CYP19A1: variants seen among roughly 807,000 people sequenced by gnomAD.
CYP19A1 encodes aromatase.
Under a neutral mutation model 44.4 loss-of-function variants are expected in CYP19A1, and 32 were observed. The observed-to-expected ratio is 0.72, with a 90% CI of 0.54 to 0.97. The LOEUF is 0.97. Ranked by LOEUF, CYP19A1 falls within the 50% of genes least tolerant of loss-of-function variation. The pLI is 0.00. For missense variants in CYP19A1, 598 were observed against 637.8 expected (o/e 0.94, Z 0.67); for synonymous variants, 212 against 215.6 (o/e 0.98, Z 0.14).
chr15:51,336,187 T>A (rs568211826), intron 1 of CYP19A1, among the ~76,000 whole-genome samples: 1 of 152,284 alleles, frequency 6.6e-6, no homozygotes, highest in South Asian at 2.1e-4. Context: ...CATTTAGAAT[T>A]GCACCCTCAT....
intron 1 of CYP19A1, among the ~76,000 whole-genome samples, chr15:51,331,980 T>C (rs562948857): frequency 6.6e-6 from 1 of 152,144 alleles, no homozygotes; most frequent in South Asian, 2.1e-4. Context: ...CAAGAAAGCA[T>C]ATAACTGTCT....
chr15:51,249,144 T>C (rs1405401320), intron 1 of CYP19A1, among the ~76,000 whole-genome samples: 1 of 152,152 alleles, frequency 6.6e-6, no homozygotes, highest in Non-Finnish European at 1.5e-5. Context: ...TATCATCATG[T>C]TGGCCAAGCT....
At chr15:51,326,820 T>A (rs1035576577) in intron 1 of CYP19A1, among the ~76,000 whole-genome samples, 1 of 152,154 alleles carries the variant, frequency 6.6e-6, no homozygotes, top group Non-Finnish European at 1.5e-5. Context: ...AGTACAAGTG[T>A]TTTTAACTTC....
At chr15:51,290,049 G>T (rs1050535924) in intron 1 of CYP19A1, among the ~76,000 whole-genome samples, 1 of 152,166 alleles carries the variant, frequency 6.6e-6, no homozygotes, top group African/African-American at 2.4e-5. Flanking sequence ...TTTGAGTGTG[G>T]TCTCCCCTGG....
intron 1 of CYP19A1, among the ~76,000 whole-genome samples, chr15:51,270,870 A>T (rs1321611828): frequency 6.6e-6 from 1 of 152,144 alleles, no homozygotes; most frequent in East Asian, 1.9e-4. Context: ...TCTTGTGTTC[A>T]TTCAGCACGT....
At chr15:51,252,977 C>T (rs1347905844) in intron 1 of CYP19A1, among the ~76,000 whole-genome samples, 1 of 152,104 alleles carries the variant, frequency 6.6e-6, no homozygotes, top group Non-Finnish European at 1.5e-5. Context: ...CATTACTCTG[C>T]AAGATACCAA....
chr15:51,235,115 C>G (rs1322112682), intron 3 of CYP19A1, among the ~76,000 whole-genome samples: 1 of 152,112 alleles, frequency 6.6e-6, no homozygotes, highest in African/African-American at 2.4e-5. Context: ...GAGACCATAG[C>G]CAGTTGTAAA....
In CYP19A1 at chr15:51,212,457, T is replaced by TG; in HGVS notation, c.1125dup (p.Lys376GlnfsTer6). The TG allele has an allele frequency of 6.2e-7, 1 of 1,610,816 alleles. No individual in the cohort carries two copies. The highest frequency in any genetic ancestry group is 8.5e-7 in the Non-Finnish European group (1 of 1,176,944). ...TCGATTACATCATCTTCTAAGGCTT[T>TG]GCGCATGACCAAGTCCACGACAGGC... On this transcript the variant is annotated frameshift_variant, in exon 9 of 10. Transcript: ENST00000396402. LOFTEE classifies it high-confidence loss of function.
Position 51,228,096 on chromosome 15 carries a change from G to A in CYP19A1, c.297-163C>T, listed in dbSNP as rs140027501. Among the ~76,000 whole-genome samples the A allele has an allele frequency of 2.0e-5, 3 of 152,292 alleles. No homozygotes were observed. In the East Asian group the frequency reaches 5.8e-4, roughly 29 times the overall value. ...TGAATAAGCACTTCTGTTAGCATGA[G>A]GACATCCTTCTCCAGTTGAATCATT... On this transcript the variant is annotated intron_variant, in intron 3 of 9. Transcript: ENST00000396402.
intron 4 of CYP19A1, among the ~76,000 whole-genome samples, chr15:51,225,663 A>C (rs115874917): frequency 2.8e-4 from 42 of 152,344 alleles, no homozygotes; most frequent in African/African-American, 1.0e-3. Context: ...TGATAGGCAG[A>C]ATAATAGCAT....
At chr15:51,322,049 T>TACAGCTCCCGTCCC (rs1055035141) in intron 1 of CYP19A1, 1 of 152,204 alleles carries the variant, frequency 6.6e-6, no homozygotes, top group Non-Finnish European at 1.5e-5. Flanking sequence ...AAGATGGAGC[T>TACAGCTCCCGTCCC]ACAGCTCCCG....
chr15:51,242,426 G>A (rs1595712056), intron 2 of CYP19A1, among the ~76,000 whole-genome samples: 1 of 152,038 alleles, frequency 6.6e-6, no homozygotes, highest in East Asian at 2.0e-4. Flanking sequence ...GAGCAAAATT[G>A]CAATCTATTT....
In CYP19A1 at chr15:51,223,593, T is replaced by TCTCACACACACACACACA. The variant is rs1356666512; in HGVS notation, c.452-1069_452-1068insTGTGTGTGTGTGTGTGAG. Among the ~76,000 whole-genome samples, 543 of 90,178 alleles carry TCTCACACACACACACACA rather than the reference T, an allele frequency of 6.0e-3. 10 individuals are homozygous for TCTCACACACACACACACA. The highest frequency in any genetic ancestry group is 0.017 in the African/African-American group (403 of 24,046). The allele number at this position is 90,178 out of a possible 152,430, so 59.2% of individuals were successfully genotyped here. A position where few individuals can be genotyped will look rare whatever the true frequency, so the allele number is the denominator to read the frequency against. ...CTTGCTCTCTCTCTCTCTCTCTCTC[T>TCTCACACACACACACACA]CACACACACACACACACACACACAC... is the stretch of plus-strand genomic sequence containing the variant. On this transcript the variant is annotated intron_variant, in intron 4 of 9. Transcript: ENST00000396402.
intron 1 of CYP19A1, among the ~76,000 whole-genome samples, chr15:51,270,414 G>T (rs1464142744): frequency 6.6e-6 from 1 of 152,078 alleles, no homozygotes; most frequent in African/African-American, 2.4e-5. Flanking sequence ...CTGGGATGTG[G>T]GTAGCTGGAG....
chr15:51,328,901 C>A (rs1014736584), intron 1 of CYP19A1, among the ~76,000 whole-genome samples: 1 of 152,172 alleles, frequency 6.6e-6, no homozygotes, highest in African/African-American at 2.4e-5. Context: ...GCCTGACTGG[C>A]TTCAAGCTAG....
rs145143868 is a variant in CYP19A1 at position 51,238,903 on chromosome 15, A to G, written c.146-1894T>C. ...ACTAAAATTAGGGACTGGAGATGTT[A>G]TAAGTATAATGGTCCCCATCAGAGT... On this transcript the variant is annotated intron_variant, in intron 2 of 9. Transcript: ENST00000396402. 9.6e-3 allele frequency among the ~76,000 whole-genome samples: 1,466 copies of G among 152,338 alleles called. 22 individuals are homozygous for G. The highest frequency in any genetic ancestry group is 0.033 in the African/African-American group (1,386 of 41,558).
chr15:51,325,247 A>T (rs1393050336), intron 1 of CYP19A1, among the ~76,000 whole-genome samples: 1 of 152,074 alleles, frequency 6.6e-6, no homozygotes, highest in Non-Finnish European at 1.5e-5. Context: ...TGAAGCCCTT[A>T]TAGTGGATCT....
intron 1 of CYP19A1, among the ~76,000 whole-genome samples, chr15:51,288,722 G>C (rs1041696084): frequency 3.3e-5 from 5 of 152,152 alleles, no homozygotes; most frequent in Admixed American, 2.0e-4. Context: ...CTGTTCTCAG[G>C]CATGACAGCT....
At chr15:51,230,726 C>T (rs2141087836) in intron 3 of CYP19A1, among the ~76,000 whole-genome samples, 1 of 150,148 alleles carries the variant, frequency 6.7e-6, no homozygotes, top group South Asian at 2.1e-4. Flanking sequence ...TCAAGCAATT[C>T]TCGTGCCACA....
Sources: allele counts gnomAD v4.1 joint callset (sites outside exome capture counted in the v4.1 genomes callset), GRCh38; gene constraint gnomAD v4.1.1; transcripts MANE v1.5; gene names NCBI Gene and HGNC (gene_info 2026-07-23, HGNC 2026-07-21).